RPF1: variants seen among roughly 807,000 people sequenced by gnomAD.
The protein encoded by RPF1 is ribosome production factor 1.
Under a neutral mutation model 41.9 loss-of-function variants are expected in RPF1, and 34 were observed. The ratio of observed to expected loss-of-function variants is 0.81; its 90% CI spans 0.62 to 1.08. RPF1 has a LOEUF of 1.08. Ranked by LOEUF, RPF1 falls within the 50% of genes least tolerant of loss-of-function variation. The pLI, the probability that RPF1 is intolerant of heterozygous loss-of-function variation, is 0.00. For missense variants in RPF1, 425 were observed against 435.2 expected (o/e 0.98, Z 0.21); for synonymous variants, 140 against 148.9 (o/e 0.94, Z 0.43).
At chr1:84,480,907 T>C in intron 1 of RPF1, 49 bp from the exon 2 acceptor site, 1 of 981,080 alleles carries the variant, frequency 1.0e-6, no homozygotes, top group Admixed American at 2.0e-5. Flanking sequence ...GTGTTTGTGA[T>C]ATAACTGGTT....
rs112841451 is a variant in RPF1 at position 84,480,604 on chromosome 1, T to C, written c.229-352T>C. 8.5e-5 allele frequency among the ~76,000 whole-genome samples: 13 copies of C among 152,340 alleles called. 1 individual carries two copies. Among genetic ancestry groups the C allele is most frequent in the African/African-American group, 3.1e-4 (13 of 41,572 alleles). On this transcript the variant is annotated intron_variant, in intron 1 of 8. Coordinates refer to ENST00000370654, the MANE Select transcript of RPF1 (RefSeq NM_025065.7). ...CAAGCAGCATAACCATGGTCGTCTTTAGGATGCCACCAGTTAGGCAAAACA... is the reference window on the plus strand; with the variant it reads ...CAAGCAGCATAACCATGGTCGTCTTCAGGATGCCACCAGTTAGGCAAAACA...
At chr1:84,492,959 C>T (rs1254112802) in intron 5 of RPF1, among the ~76,000 whole-genome samples, 2 of 152,206 alleles carry the variant, frequency 1.3e-5, no homozygotes, top group Non-Finnish European at 2.9e-5. Flanking sequence ...ATTTACTTGA[C>T]CCTCTTCAGC....
chr1:84,483,003 T>C lies in RPF1; in HGVS notation c.366+8T>C. The C allele has an allele frequency of 6.6e-7, 1 of 1,511,392 alleles. No individual in the cohort carries two copies. Among genetic ancestry groups the C allele is most frequent in the Non-Finnish European group, 9.2e-7 (1 of 1,086,558 alleles). 93.6% of individuals were successfully genotyped at this position (1,511,392 alleles called of 1,614,324 possible). The stretch of plus-strand genomic sequence containing the variant: ...GACCCTAATGATGAAGAGGTAATGT[T>C]AGAAGTCTTAAATTAGTTTGAATGA... On this transcript the variant is annotated splice_region_variant and intron_variant, in intron 3 of 8. Coordinates refer to ENST00000370654, the MANE Select transcript of RPF1 (RefSeq NM_025065.7).
chr1:84,485,277 T>C (rs1331306121), intron 3 of RPF1, among the ~76,000 whole-genome samples: 2 of 152,126 alleles, frequency 1.3e-5, no homozygotes, highest in East Asian at 3.9e-4. Flanking sequence ...TTTTTGTATT[T>C]TAGTAGAGAT....
intron 5 of RPF1, among the ~76,000 whole-genome samples, chr1:84,493,350 AAAG>A (rs1681867833): frequency 6.6e-6 from 1 of 151,708 alleles, no homozygotes; most frequent in African/African-American, 2.4e-5. Flanking sequence ...AAAAAAAAAA[AAAG>A]ATCTGCCTGC....
chr1:84,492,596 G>A lies in RPF1; in HGVS notation c.616+2124G>A, dbSNP rs1290059808. ...ACAAAGATCACATTAAATGTATTAT[G>A]TTTATAAAGCATAGTGTCTGGCACA... On this transcript the variant is annotated intron_variant, in intron 5 of 8. Coordinates refer to ENST00000370654, the MANE Select transcript of RPF1 (RefSeq NM_025065.7). Among the ~76,000 whole-genome samples the A allele has an allele frequency of 3.3e-5, 5 of 152,150 alleles. 1 individual carries two copies. Among genetic ancestry groups the A allele is most frequent in the African/African-American group, 1.2e-4 (5 of 41,398 alleles).
At chr1:84,496,889 T>TGA (rs749681830) in intron 8 of RPF1, among the ~76,000 whole-genome samples, 4 of 152,162 alleles carry the variant, frequency 2.6e-5, no homozygotes, top group Non-Finnish European at 4.4e-5. Context: ...TTGTTTTTTT[T>TGA]GAGATGAGTC....
chr1:84,492,060 C>G (rs573672637), intron 5 of RPF1, among the ~76,000 whole-genome samples: 1 of 152,120 alleles, frequency 6.6e-6, no homozygotes, highest in South Asian at 2.1e-4. Context: ...ACTTGGGAGG[C>G]TGATGCACTA....
In RPF1 at chr1:84,497,657, T is replaced by C. The variant is rs1460536068; in HGVS notation, c.*187T>C. The C allele has an allele frequency of 2.2e-6, 1 of 461,998 alleles. No homozygotes were observed. The highest frequency in any genetic ancestry group is 3.6e-5 in the East Asian group (1 of 28,130). 28.6% of individuals were successfully genotyped at this position (461,998 alleles called of 1,614,324 possible). A position where few individuals can be genotyped will look rare whatever the true frequency, so the allele number is the denominator to read the frequency against. ...ATGTAGAAAATACAAATAAAAGTTA[T>C]TTTGATGGCTTAGGTTTCCTTAAAC... On this transcript the variant is annotated 3_prime_UTR_variant, in exon 9 of 9. Transcript: ENST00000370654.
intron 8 of RPF1, among the ~76,000 whole-genome samples, chr1:84,496,880 TG>T (rs1681949064): frequency 1.3e-5 from 2 of 152,268 alleles, no homozygotes; most frequent in African/African-American, 4.8e-5. Flanking sequence ...GTTGTTGTTT[TG>T]TTTTTTTTGA....
At chr1:84,485,040 T>C (rs1282720359) in intron 3 of RPF1, among the ~76,000 whole-genome samples, 1 of 152,220 alleles carries the variant, frequency 6.6e-6, no homozygotes, top group Non-Finnish European at 1.5e-5. Context: ...TCTTGATGAT[T>C]GGACCCAAGT....
chr1:84,482,364 G>A (rs894069288), intron 2 of RPF1, among the ~76,000 whole-genome samples: 1 of 152,064 alleles, frequency 6.6e-6, no homozygotes, highest in African/African-American at 2.4e-5. Context: ...TTACCTTGTT[G>A]AACATTTGCC....
chr1:84,497,327 C>A, intron 8 of RPF1, 102 bp from the exon 9 acceptor site: 1 of 913,952 alleles, frequency 1.1e-6, no homozygotes, highest in Non-Finnish European at 1.7e-6. Context: ...ACTAGTGTTA[C>A]TTATGAAGAT....
chr1:84,479,704 G>C (rs1467337884), intron 1 of RPF1, among the ~76,000 whole-genome samples, 195 bp downstream of exon 1: 1 of 152,230 alleles, frequency 6.6e-6, no homozygotes, highest in Non-Finnish European at 1.5e-5. Flanking sequence ...CCTTTTGCCT[G>C]AGCGTCAAGG....
chr1:84,495,441 C>T lies in RPF1; in HGVS notation c.685C>T (p.Arg229Cys), dbSNP rs530459635. ...AHFKMSSVRL[R>C]KEIKRRGKDP... ...TTTTAAAATGAGCAGTGTTCGTCTT[C>T]GTAAAGAAATTAAGGTAAGTTTTAT... is the stretch of plus-strand genomic sequence containing the variant. The change falls in exon 6 of 9, where the codon CGT becomes TGT. Residue 229 changes from arginine (R) to cysteine (C), a missense_variant. Transcript: ENST00000370654. 2.1e-6 allele frequency: 3 copies of T among 1,451,818 alleles called. No individual in the cohort carries two copies. Among genetic ancestry groups the T allele is most frequent in the African/African-American group, 2.8e-5 (2 of 70,486 alleles). The allele number at this position is 1,451,818 out of a possible 1,614,324, so 89.9% of individuals were successfully genotyped here.
At chr1:84,490,049 C>G (rs902914822) in intron 4 of RPF1, among the ~76,000 whole-genome samples, 1 of 152,150 alleles carries the variant, frequency 6.6e-6, no homozygotes, top group Non-Finnish European at 1.5e-5. Context: ...ACACCACTAC[C>G]ACTACCATCA....
chr1:84,479,303 A>C lies in RPF1; in HGVS notation c.22A>C (p.Ser8Arg). The stretch of plus-strand genomic sequence containing the variant: ...GACCATGGCGAAAGCCGGGGATAAG[A>C]GCAGCAGCAGCGGGAAGAAAAGTCT... MAKAGDK[S>R]SSSGKKSLKR... The change falls in exon 1 of 9, where the codon AGC becomes CGC. Residue 8 changes from serine (S) to arginine (R), a missense_variant. Ser to Arg is a moderately radical substitution (Grantham distance 110). Transcript: ENST00000370654. 1 of 1,606,704 alleles carries C rather than the reference A, an allele frequency of 6.2e-7. No individual in the cohort carries two copies. Among genetic ancestry groups the C allele is most frequent in the Non-Finnish European group, 8.5e-7 (1 of 1,176,460 alleles).
Position 84,496,718 on chromosome 1 carries a change from G to A in RPF1, c.1008+348G>A, listed in dbSNP as rs115346816. Among the ~76,000 whole-genome samples, 254 of 152,240 alleles carry A rather than the reference G, an allele frequency of 1.7e-3. 1 individual carries two copies. Among genetic ancestry groups the A allele is most frequent in the African/African-American group, 5.7e-3 (238 of 41,516 alleles). On this transcript the variant is annotated intron_variant, in intron 8 of 8. Transcript: ENST00000370654. The stretch of plus-strand genomic sequence containing the variant: ...AATTCTTTGGCCCACAGACCTACTC[G>A]ATCAGCAATTTAGGGGGTGGGACCC...
In RPF1 at chr1:84,483,193, A is replaced by G. The variant is rs1681681955; in HGVS notation, c.366+198A>G. 13 of 533,416 alleles carry G rather than the reference A, an allele frequency of 2.4e-5. No individual in the cohort carries two copies. In the South Asian group the frequency reaches 3.0e-4, roughly 12 times the overall value. 33.0% of individuals were successfully genotyped at this position (533,416 alleles called of 1,614,324 possible). The stretch of plus-strand genomic sequence containing the variant: ...CCCAATAATGCTATAGAAAAATTCT[A>G]TAAAAATTCTAGGTAAACTTTTACA... On this transcript the variant is annotated intron_variant, in intron 3 of 8. Transcript: ENST00000370654.
Sources: gnomAD v4.1 joint callset for allele counts (sites outside exome capture counted in the v4.1 genomes callset) on GRCh38, gnomAD v4.1.1 for gene constraint, MANE v1.5 for transcripts, NCBI Gene and HGNC (gene_info 2026-07-23, HGNC 2026-07-21) for gene names.